Variants in SLC25A21 observed in about 807,000 individuals in gnomAD.
SLC25A21 encodes solute carrier family 25 member 21.
A neutral mutation model predicts 43.8 loss-of-function variants in SLC25A21; 47 were observed. That is an observed-to-expected ratio of 1.07 (90% CI 0.85 to 1.37). The LOEUF (loss-of-function observed/expected upper bound fraction) is 1.37, where lower values mean the gene tolerates loss of function less well. SLC25A21 is among the 40% of genes most tolerant of loss of function. The probability of loss-of-function intolerance (pLI) is 0.00; values close to 1 mark genes in which losing one functional copy is unlikely to be tolerated. For synonymous variants in SLC25A21, 131 were observed against 121.3 expected, an observed-to-expected ratio of 1.08 and a Z score of -0.52; for missense variants, 352 against 350.2, an observed-to-expected ratio of 1.00 and a Z score of -0.04.
intron 1 of SLC25A21, among the ~76,000 whole-genome samples, chr14:37,104,632 A>G (rs1342595265): frequency 6.6e-6 from 1 of 152,228 alleles, no homozygotes; most frequent in African/African-American, 2.4e-5. Context: ...AGGGCTTTAC[A>G]TGCAATATAT....
At chr14:36,696,808 T>G (rs1486491363) in intron 7 of SLC25A21, among the ~76,000 whole-genome samples, 1 of 152,202 alleles carries the variant, frequency 6.6e-6, no homozygotes, top group African/African-American at 2.4e-5. Flanking sequence ...TTTTCTTCTT[T>G]ATTAGTCTTG....
intron 1 of SLC25A21, among the ~76,000 whole-genome samples, chr14:37,050,766 G>A (rs1171597747): frequency 6.6e-6 from 1 of 152,066 alleles, no homozygotes; most frequent in East Asian, 1.9e-4. Context: ...TCAGATCCAA[G>A]GTAGTTCTAC....
At chr14:37,121,421 G>A (rs569547065) in intron 1 of SLC25A21, among the ~76,000 whole-genome samples, 2 of 152,314 alleles carry the variant, frequency 1.3e-5, no homozygotes, top group Non-Finnish European at 2.9e-5. Flanking sequence ...AATGTAAAGA[G>A]TGAGGGAGGT....
chr14:36,845,635 T>G (rs777720079), intron 2 of SLC25A21, among the ~76,000 whole-genome samples: 4 of 152,260 alleles, frequency 2.6e-5, no homozygotes, highest in Non-Finnish European at 5.9e-5. Context: ...ATACCATTTC[T>G]GTAGATGAAT....
At chr14:36,695,834 A>G (rs898052892) in intron 7 of SLC25A21, among the ~76,000 whole-genome samples, 1 of 152,198 alleles carries the variant, frequency 6.6e-6, no homozygotes, top group African/African-American at 2.4e-5. Context: ...TTCTAAATAT[A>G]CAATCATGTC....
At chr14:36,780,370 AC>A (rs1260936810) in intron 3 of SLC25A21, among the ~76,000 whole-genome samples, 1 of 151,888 alleles carries the variant, frequency 6.6e-6, no homozygotes, top group Non-Finnish European at 1.5e-5. Context: ...AGCTCCTACT[AC>A]TTTTGCCCTT....
At chr14:37,053,363 A>C (rs1594771255) in intron 1 of SLC25A21, among the ~76,000 whole-genome samples, 1 of 152,330 alleles carries the variant, frequency 6.6e-6, no homozygotes, top group East Asian at 1.9e-4. Flanking sequence ...TCATGCAATC[A>C]AAATTACTAG....
intron 1 of SLC25A21, among the ~76,000 whole-genome samples, chr14:37,051,724 T>G (rs1014592538): frequency 6.6e-6 from 1 of 152,204 alleles, no homozygotes. Context: ...GACAGTCATA[T>G]GGAAAAGGCC....
intron 3 of SLC25A21, among the ~76,000 whole-genome samples, chr14:36,759,331 G>A (rs1886053225): frequency 6.6e-6 from 1 of 152,150 alleles, no homozygotes; most frequent in East Asian, 1.9e-4. Context: ...ATCTTGAAAT[G>A]TGTATCTAGT....
intron 1 of SLC25A21, among the ~76,000 whole-genome samples, chr14:37,135,893 A>G (rs971919799): frequency 6.6e-6 from 1 of 152,238 alleles, no homozygotes; most frequent in Non-Finnish European, 1.5e-5. Flanking sequence ...CTCTTATCTT[A>G]GAACAGTACT....
intron 1 of SLC25A21, among the ~76,000 whole-genome samples, chr14:37,106,473 C>T (rs1029722308): frequency 1.3e-5 from 2 of 152,056 alleles, no homozygotes; most frequent in African/African-American, 4.8e-5. Flanking sequence ...CTCAGGCTTA[C>T]TAAGGTGGGG....
At chr14:36,880,412 A>G (rs1275536622) in intron 1 of SLC25A21, among the ~76,000 whole-genome samples, 3 of 152,176 alleles carry the variant, frequency 2.0e-5, no homozygotes, top group Non-Finnish European at 4.4e-5. Flanking sequence ...TCTTCCACAT[A>G]TGCTAATCTA....
chr14:36,893,621 GC>G (rs1366790913), intron 1 of SLC25A21, among the ~76,000 whole-genome samples: 4 of 152,172 alleles, frequency 2.6e-5, no homozygotes, highest in African/African-American at 9.6e-5. Flanking sequence ...CCTTGTCCAT[GC>G]CTATGTCCTG....
chr14:36,735,921 C>G (rs538387485), intron 3 of SLC25A21, among the ~76,000 whole-genome samples: 2 of 135,364 alleles, frequency 1.5e-5, no homozygotes, highest in South Asian at 4.7e-4. Flanking sequence ...TGGGCTTATT[C>G]TGGCCACAAT....
intron 1 of SLC25A21, among the ~76,000 whole-genome samples, chr14:37,015,225 T>C (rs1162012390): frequency 8.6e-6 from 1 of 116,842 alleles, no homozygotes; most frequent in African/African-American, 3.3e-5. Context: ...CAGAGTGTGA[T>C]GTTCCCCTTC....
chr14:37,163,222 C>T (rs915692247), intron 1 of SLC25A21, among the ~76,000 whole-genome samples: 8 of 151,714 alleles, frequency 5.3e-5, no homozygotes, highest in Non-Finnish European at 1.2e-4. Flanking sequence ...AGCGCACCAG[C>T]ATGGCACATG....
chr14:37,131,680 T>C (rs1041737829), intron 1 of SLC25A21, among the ~76,000 whole-genome samples: 1 of 152,208 alleles, frequency 6.6e-6, no homozygotes, highest in Non-Finnish European at 1.5e-5. Context: ...CAACGGTCTT[T>C]GTTTTTTATC....
At chr14:36,996,804 G>A (rs1335704848) in intron 1 of SLC25A21, among the ~76,000 whole-genome samples, 1 of 152,152 alleles carries the variant, frequency 6.6e-6, no homozygotes, top group African/African-American at 2.4e-5. Context: ...TCTCCTCAGA[G>A]TGTGTTCCAA....
Position 36,918,102 on chromosome 14 carries a change from C to T in SLC25A21, c.71-43098G>A, listed in dbSNP as rs114556955. Among the ~76,000 whole-genome samples, 207 of 152,224 alleles carry T rather than the reference C, an allele frequency of 1.4e-3. 1 individual carries two copies. The highest frequency in any genetic ancestry group is 4.4e-3 in the African/African-American group (183 of 41,556). On this transcript the variant is annotated intron_variant, in intron 1 of 9. Transcript: ENST00000331299. Reference sequence around the variant, plus strand: ...TGTGACTCTGCGATGCAGATGAATGCTCTCTAAAAAGGAATATAAAATGGA... The same window carrying T: ...TGTGACTCTGCGATGCAGATGAATGTTCTCTAAAAAGGAATATAAAATGGA...
Sources: allele counts gnomAD v4.1 joint callset (sites outside exome capture counted in the v4.1 genomes callset), GRCh38; gene constraint gnomAD v4.1.1; transcripts MANE v1.5; gene names NCBI Gene and HGNC (gene_info 2026-07-23, HGNC 2026-07-21).